RERE: variants seen among roughly 807,000 people sequenced by gnomAD.
RERE encodes the protein arginine-glutamic acid dipeptide repeats.
A neutral mutation model predicts 146.1 loss-of-function variants in RERE; 40 were observed. The ratio of observed to expected loss-of-function variants is 0.27; its 90% confidence interval spans 0.21 to 0.36. The LOEUF (loss-of-function observed/expected upper bound fraction) is 0.36. RERE is among the 10% of genes least tolerant of loss of function. RERE has a pLI of 1.00. For synonymous variants in RERE, 1,003 were observed against 866.0 expected, an observed-to-expected ratio of 1.16 and a Z score of -2.78; for missense variants, 1,933 against 2,138.7, an observed-to-expected ratio of 0.90 and a Z score of 1.90.
chr1:8,576,484 A>G (rs1050085697), intron 4 of RERE, among the ~76,000 whole-genome samples: 15 of 152,222 alleles, frequency 9.9e-5, no homozygotes, highest in Admixed American at 9.2e-4. Context: ...TAAAGATTAA[A>G]TTACAGAATA....
intron 12 of RERE, among the ~76,000 whole-genome samples, chr1:8,367,769 G>A (rs554828125): frequency 4.6e-5 from 7 of 152,296 alleles, no homozygotes; most frequent in South Asian, 4.1e-4. Flanking sequence ...CTGTCCCAGC[G>A]GGCATGAGCA....
chr1:8,434,996 T>A (rs1209409163), intron 11 of RERE, among the ~76,000 whole-genome samples: 1 of 152,246 alleles, frequency 6.6e-6, no homozygotes, highest in Non-Finnish European at 1.5e-5. Flanking sequence ...TGAAAGATAA[T>A]AAATGATCAT....
At chr1:8,644,848 G>T (rs753039176) in intron 2 of RERE, among the ~76,000 whole-genome samples, 1 of 152,150 alleles carries the variant, frequency 6.6e-6, no homozygotes, top group Non-Finnish European at 1.5e-5. Flanking sequence ...AGGAGTAAAA[G>T]GAGAAAAGAG....
chr1:8,615,273 A>T (rs974918080), intron 3 of RERE, among the ~76,000 whole-genome samples: 7 of 152,240 alleles, frequency 4.6e-5, no homozygotes, highest in African/African-American at 1.7e-4. Context: ...TATTCACATG[A>T]GTTATAATTT....
chr1:8,500,845 A>G (rs371668687), intron 8 of RERE, among the ~76,000 whole-genome samples: 9 of 137,576 alleles, frequency 6.5e-5, no homozygotes, highest in African/African-American at 2.1e-4. Context: ...TGTGAGGAGC[A>G]CCTCTGCTGG....
At chr1:8,681,496 T>C (rs1638965879) in intron 1 of RERE, among the ~76,000 whole-genome samples, 1 of 152,202 alleles carries the variant, frequency 6.6e-6, no homozygotes, top group Admixed American at 6.5e-5. Flanking sequence ...AAAAGGCAAA[T>C]ATTTACTTAG....
intron 1 of RERE, among the ~76,000 whole-genome samples, chr1:8,727,373 C>T (rs1639993060): frequency 6.6e-6 from 1 of 152,096 alleles, no homozygotes; most frequent in South Asian, 2.1e-4. Flanking sequence ...AACTGCCGAC[C>T]TCAGGTGATC....
At chr1:8,701,408 A>C (rs1557490588) in intron 1 of RERE, among the ~76,000 whole-genome samples, 1 of 151,998 alleles carries the variant, frequency 6.6e-6, no homozygotes, top group Non-Finnish European at 1.5e-5. Context: ...ACGCTATAAA[A>C]ACACACACAC....
In RERE at chr1:8,432,994, C is replaced by CACATAT. The variant is rs1401411002; in HGVS notation, c.1204-10193_1204-10188dup. On this transcript the variant is annotated intron_variant, in intron 11 of 22. Transcript: ENST00000400908. ...TTAAAGGAAAGTTTACATATATATA[C>CACATAT]ACATATACATATACATATACCCAAA... 9.2e-5 allele frequency among the ~76,000 whole-genome samples: 14 copies of CACATAT among 152,236 alleles called. No individual in the cohort carries two copies. The South Asian group carries it at 1.0e-3, about 11-fold the overall frequency.
At chr1:8,369,574 T>C (rs1641953360) in intron 12 of RERE, among the ~76,000 whole-genome samples, 1 of 139,696 alleles carries the variant, frequency 7.2e-6, no homozygotes, top group African/African-American at 2.6e-5. Context: ...AGGACTGTCC[T>C]CCACAGCAGT....
chr1:8,642,941 T>C (rs572774897), intron 2 of RERE, among the ~76,000 whole-genome samples: 7 of 152,226 alleles, frequency 4.6e-5, no homozygotes, highest in Admixed American at 1.3e-4. Context: ...TAACTCTGCC[T>C]GCGCTAATAG....
At chr1:8,545,871 G>A (rs1337026953) in intron 6 of RERE, among the ~76,000 whole-genome samples, 1 of 149,096 alleles carries the variant, frequency 6.7e-6, no homozygotes, top group African/African-American at 2.5e-5. Flanking sequence ...TTTTAGTAGA[G>A]ACGAGGTTTC....
chr1:8,541,492 A>G (rs905612822), intron 6 of RERE, among the ~76,000 whole-genome samples, 174 bp from the exon 7 acceptor site: 3 of 152,180 alleles, frequency 2.0e-5, no homozygotes, highest in Non-Finnish European at 4.4e-5. Context: ...TTCACTGTAC[A>G]CCTGTGTAAT....
At chr1:8,562,209 G>A (rs920383072) in intron 4 of RERE, among the ~76,000 whole-genome samples, 1 of 152,160 alleles carries the variant, frequency 6.6e-6, no homozygotes, top group Non-Finnish European at 1.5e-5. Context: ...AATTATGTTA[G>A]TAATAGTGTC....
intron 7 of RERE, among the ~76,000 whole-genome samples, chr1:8,520,788 G>T (rs1325927642): frequency 1.6e-5 from 2 of 127,322 alleles, no homozygotes; most frequent in Non-Finnish European, 3.2e-5. Flanking sequence ...CACTATGACC[G>T]AAACCCACTT....
intron 1 of RERE, among the ~76,000 whole-genome samples, chr1:8,673,244 C>T (rs959899293): frequency 6.6e-6 from 1 of 152,048 alleles, no homozygotes. Context: ...TACAGGTGCC[C>T]GCCACCACAC....
At chr1:8,623,004 G>A (rs543792458) in intron 3 of RERE, among the ~76,000 whole-genome samples, 43 of 152,274 alleles carry the variant, frequency 2.8e-4, no homozygotes, top group Non-Finnish European at 5.9e-4. Context: ...AAGGAATTAC[G>A]AATTCTCTAG....
intron 16 of RERE, 38 bp downstream of exon 16, chr1:8,362,645 G>T (rs149520642): frequency 5.0e-6 from 8 of 1,613,572 alleles, no homozygotes; most frequent in Non-Finnish European, 5.9e-6. Context: ...ATGTGAGGGA[G>T]GGACAGAGTA....
chr1:8,612,422 G>C (rs373880624), intron 4 of RERE, among the ~76,000 whole-genome samples: 1 of 152,144 alleles, frequency 6.6e-6, no homozygotes, highest in African/African-American at 2.4e-5. Flanking sequence ...GCTTTATGTA[G>C]CATCATCTTG....
Sources: allele counts gnomAD v4.1 joint callset (sites outside exome capture counted in the v4.1 genomes callset), GRCh38; gene constraint gnomAD v4.1.1; transcripts MANE v1.5; gene names NCBI Gene and HGNC (gene_info 2026-07-23, HGNC 2026-07-21).